Variants in TMEM117 observed in about 807,000 individuals in gnomAD.
TMEM117 encodes the protein transmembrane protein 117.
In TMEM117, 27 loss-of-function variants were observed where a neutral mutation model predicts 52.4. That is an observed-to-expected ratio of 0.51 (90% CI 0.38 to 0.71). The LOEUF (loss-of-function observed/expected upper bound fraction) is 0.71, where lower values mean the gene tolerates loss of function less well. Ranked by LOEUF, TMEM117 falls within the 30% of genes least tolerant of loss-of-function variation. The pLI is 0.00. For missense variants in TMEM117, 556 were observed against 630.5 expected (o/e 0.88, Z 1.26); for synonymous variants, 215 against 206.3 (o/e 1.04, Z -0.36).
At chr12:43,806,931 C>T in the TMEM117 span, among the ~76,000 whole-genome samples, 1 of 152,200 alleles carries the variant, frequency 6.6e-6, no homozygotes, top group Non-Finnish European at 1.5e-5. Context: ...TTGAGTATCC[C>T]TCTGTGGTCG....
chr12:43,889,564 G>GTA (rs1168390432), intron 2 of TMEM117, among the ~76,000 whole-genome samples: 1 of 152,244 alleles, frequency 6.6e-6, no homozygotes, highest in Admixed American at 6.5e-5. Flanking sequence ...CCATGGACCT[G>GTA]TACCAGTCTG....
chr12:44,239,516 T>G (rs1474868493), intron 5 of TMEM117, among the ~76,000 whole-genome samples: 2 of 152,178 alleles, frequency 1.3e-5, no homozygotes, highest in African/African-American at 4.8e-5. Context: ...TTTCTCTTCT[T>G]AAACCCATGT....
intron 7 of TMEM117, among the ~76,000 whole-genome samples, chr12:44,386,062 C>T (rs1952083917): frequency 6.6e-6 from 1 of 152,092 alleles, no homozygotes; most frequent in Non-Finnish European, 1.5e-5. Context: ...AAAATCTTTC[C>T]TGCAGAAAGT....
intron 6 of TMEM117, among the ~76,000 whole-genome samples, chr12:44,310,336 CTGA>C (rs1592683113): frequency 6.6e-6 from 1 of 152,184 alleles, no homozygotes. Context: ...TCACTGTTAT[CTGA>C]TGATAAGAAT....
chr12:44,154,588 T>C (rs2138236489), intron 4 of TMEM117, among the ~76,000 whole-genome samples: 1 of 152,186 alleles, frequency 6.6e-6, no homozygotes, highest in Non-Finnish European at 1.5e-5. Flanking sequence ...TTTTCTTATG[T>C]TGTAATTATC....
At chr12:43,989,087 G>A (rs1176400551) in intron 3 of TMEM117, among the ~76,000 whole-genome samples, 2 of 152,056 alleles carry the variant, frequency 1.3e-5, no homozygotes, top group Non-Finnish European at 1.5e-5. Flanking sequence ...AAAAGGGAGC[G>A]GTGGTACCAG....
chr12:44,339,390 A>G (rs1173811306), intron 6 of TMEM117, among the ~76,000 whole-genome samples: 4 of 151,872 alleles, frequency 2.6e-5, no homozygotes, highest in African/African-American at 9.7e-5. Context: ...CCACCATATT[A>G]TATTCCCTAC....
chr12:44,070,221 A>G (rs1947281491), intron 3 of TMEM117, among the ~76,000 whole-genome samples: 1 of 151,960 alleles, frequency 6.6e-6, no homozygotes, highest in Admixed American at 6.6e-5. Context: ...TTTCTCCACC[A>G]TCCTCCACAT....
intron 4 of TMEM117, among the ~76,000 whole-genome samples, chr12:44,154,248 A>C (rs941113666): frequency 6.6e-6 from 1 of 152,104 alleles, no homozygotes; most frequent in African/African-American, 2.4e-5. Context: ...ATTTCCAACG[A>C]TATCAGTTAA....
chr12:43,810,566 C>T, the TMEM117 span, among the ~76,000 whole-genome samples: 7 of 152,066 alleles, frequency 4.6e-5, no homozygotes, highest in Non-Finnish European at 4.4e-5. Context: ...GAACTGTGAG[C>T]TGAGCTTGCA....
chr12:44,283,768 A>T (rs1053483108), intron 5 of TMEM117, among the ~76,000 whole-genome samples: 3 of 152,120 alleles, frequency 2.0e-5, no homozygotes, highest in African/African-American at 7.2e-5. Flanking sequence ...ATGTGAGGAC[A>T]TGAGATTTAG....
chr12:44,213,761 G>A (rs1218596012), intron 5 of TMEM117, among the ~76,000 whole-genome samples: 1 of 152,198 alleles, frequency 6.6e-6, no homozygotes, highest in Non-Finnish European at 1.5e-5. Context: ...GAAGAAGGAC[G>A]TGTTTGCTTC....
intron 3 of TMEM117, among the ~76,000 whole-genome samples, chr12:44,064,979 C>T (rs192846123): frequency 6.6e-6 from 1 of 152,146 alleles, no homozygotes; most frequent in African/African-American, 2.4e-5. Flanking sequence ...CACTGCATAT[C>T]AAAATATTAT....
At chr12:44,329,887 G>A (rs367912870) in intron 6 of TMEM117, among the ~76,000 whole-genome samples, 9 of 151,952 alleles carry the variant, frequency 5.9e-5, no homozygotes, top group Admixed American at 2.0e-4. Flanking sequence ...TGTATATACC[G>A]TATTTTGTTT....
the TMEM117 span, among the ~76,000 whole-genome samples, chr12:43,824,785 C>T: frequency 3.9e-5 from 6 of 152,210 alleles, no homozygotes; most frequent in South Asian, 4.1e-4. Context: ...AAAAATTAGC[C>T]GGGCATGGTG....
intron 4 of TMEM117, among the ~76,000 whole-genome samples, chr12:44,195,444 A>G (rs1054049731): frequency 6.6e-6 from 1 of 152,148 alleles, no homozygotes; most frequent in Non-Finnish European, 1.5e-5. Flanking sequence ...GCTGCTCATC[A>G]TAGTCACAGG....
At chr12:44,304,454 A>G (rs749802707) in intron 6 of TMEM117, among the ~76,000 whole-genome samples, 2 of 152,176 alleles carry the variant, frequency 1.3e-5, no homozygotes, top group Non-Finnish European at 2.9e-5. Context: ...GAGGCAGTAG[A>G]CTTTGTGTCA....
chr12:44,000,550 G>C (rs893258190), intron 3 of TMEM117, among the ~76,000 whole-genome samples: 3 of 152,088 alleles, frequency 2.0e-5, no homozygotes, highest in Non-Finnish European at 4.4e-5. Context: ...ACTAGAGGGA[G>C]CCCCAACTTT....
intron 7 of TMEM117, among the ~76,000 whole-genome samples, chr12:44,379,795 C>T (rs576242709): frequency 2.4e-4 from 37 of 152,274 alleles, no homozygotes; most frequent in African/African-American, 7.9e-4. Flanking sequence ...TCAGCTCCTC[C>T]GAGCCCTGGT....
Sources: allele counts gnomAD v4.1 joint callset (sites outside exome capture counted in the v4.1 genomes callset), GRCh38; gene constraint gnomAD v4.1.1; transcripts MANE v1.5; gene names NCBI Gene and HGNC (gene_info 2026-07-23, HGNC 2026-07-21).